Variants in HYAL4 observed in about 807,000 individuals in gnomAD.
HYAL4 encodes hyaluronidase-4.
HYAL4 carries 37 observed loss-of-function variants against 35.2 expected under a neutral mutation model. The observed-to-expected ratio is 1.05, with a 90% CI of 0.81 to 1.38. The LOEUF is 1.38. Among genes scored for constraint, HYAL4 ranks in the 40% most tolerant of loss-of-function variants. HYAL4 has a pLI of 0.00. For missense variants in HYAL4, 572 were observed against 572.4 expected, an observed-to-expected ratio of 1.00 and a Z score of 0.01; for synonymous variants, 198 against 203.2, an observed-to-expected ratio of 0.97 and a Z score of 0.22.
chr7:123,864,807 C>T (rs1283973460), intron 2 of HYAL4, among the ~76,000 whole-genome samples: 2 of 151,502 alleles, frequency 1.3e-5, no homozygotes, highest in Non-Finnish European at 1.5e-5. Context: ...GGATCTCCTC[C>T]CAACAAGCCA....
chr7:123,793,799 A>G, the HYAL4 span, among the ~76,000 whole-genome samples: 6 of 152,240 alleles, frequency 3.9e-5, no homozygotes, highest in Admixed American at 6.5e-5. Context: ...GGACTAATAC[A>G]GTAAATTAGC....
At chr7:123,782,625 C>CT in the HYAL4 span, among the ~76,000 whole-genome samples, 1 of 152,024 alleles carries the variant, frequency 6.6e-6, no homozygotes, top group Non-Finnish European at 1.5e-5. Context: ...CTAGCTCTCC[C>CT]TTTCACTTTC....
intron 3 of HYAL4, among the ~76,000 whole-genome samples, chr7:123,873,402 GAA>G (rs33930393): frequency 0.15 from 21,050 of 141,536 alleles, 1,621 homozygotes; most frequent in Non-Finnish European, 0.18. Context: ...CAATTGCCCA[GAA>G]AAAAAAAAAA....
chr7:123,806,325 T>C, the HYAL4 span, among the ~76,000 whole-genome samples: 1 of 152,230 alleles, frequency 6.6e-6, no homozygotes, highest in Non-Finnish European at 1.5e-5. Context: ...CTTGCCAAAG[T>C]AATGAAGGTT....
chr7:123,815,551 T>G, the HYAL4 span, among the ~76,000 whole-genome samples: 1 of 152,210 alleles, frequency 6.6e-6, no homozygotes, highest in Non-Finnish European at 1.5e-5. Flanking sequence ...GTGGTTATTG[T>G]CAAGGCATTA....
At chr7:123,811,480 C>T in the HYAL4 span, among the ~76,000 whole-genome samples, 1 of 152,116 alleles carries the variant, frequency 6.6e-6, no homozygotes, top group Non-Finnish European at 1.5e-5. Flanking sequence ...TGTATATCTT[C>T]TTTGATGAGA....
rs536187585 is a variant in HYAL4, at chr7:123,870,682, C to G, written c.954+1455C>G. Among the ~76,000 whole-genome samples, 32 of 151,588 alleles carry G rather than the reference C, an allele frequency of 2.1e-4. 1 individual carries two copies. The South Asian group carries it at 2.5e-3, about 12-fold the overall frequency. Reference sequence around the variant, plus strand: ...GAGTCTGAGAAGAGAATTGCTTGAACTCGGGAGGCAGAGGTTGCAGTGAGC... The same window carrying G: ...GAGTCTGAGAAGAGAATTGCTTGAAGTCGGGAGGCAGAGGTTGCAGTGAGC... On this transcript the variant is annotated intron_variant, in intron 3 of 4. Coordinates refer to ENST00000223026, the MANE Select transcript of HYAL4 (RefSeq NM_012269.3).
chr7:123,875,970 A>C (rs1012323608), intron 4 of HYAL4: 1 of 456,048 alleles, frequency 2.2e-6, no homozygotes, highest in Non-Finnish European at 4.4e-6. Context: ...GTTTATGCCT[A>C]TGCCCACATA....
At chr7:123,781,857 A>G in the HYAL4 span, among the ~76,000 whole-genome samples, 3 of 152,168 alleles carry the variant, frequency 2.0e-5, no homozygotes, top group African/African-American at 7.2e-5. Context: ...TCCTGTTTCT[A>G]TGGACAGTGC....
the HYAL4 span, among the ~76,000 whole-genome samples, chr7:123,797,377 A>G: frequency 2.6e-5 from 4 of 152,218 alleles, no homozygotes; most frequent in Non-Finnish European, 5.9e-5. Flanking sequence ...TGCTCTGTTG[A>G]ACTAAGTAAC....
At chr7:123,832,919 G>A (rs982380650) in intron 1 of HYAL4, among the ~76,000 whole-genome samples, 2 of 152,050 alleles carry the variant, frequency 1.3e-5, no homozygotes, top group East Asian at 1.9e-4. Flanking sequence ...AGGTTGTTGC[G>A]AATGCCATTA....
chr7:123,843,173 A>C (rs766493408), upstream of HYAL4, among the ~76,000 whole-genome samples: 28 of 151,834 alleles, frequency 1.8e-4, no homozygotes, highest in Non-Finnish European at 2.8e-4. Context: ...TTCCTTCAGG[A>C]GTTCTTGTAA....
At chr7:123,842,532 G>A (rs1806091210), upstream of HYAL4, among the ~76,000 whole-genome samples, 2 of 152,050 alleles carry the variant, frequency 1.3e-5, no homozygotes, top group Admixed American at 6.6e-5. Flanking sequence ...GCAGAGCTGA[G>A]TTCAGGTCCT....
At chr7:123,793,701 C>G in the HYAL4 span, among the ~76,000 whole-genome samples, 1 of 152,158 alleles carries the variant, frequency 6.6e-6, no homozygotes, top group Non-Finnish European at 1.5e-5. Flanking sequence ...TGAAGCTTCC[C>G]CAGCCATGCT....
intron 2 of HYAL4, among the ~76,000 whole-genome samples, chr7:123,858,316 A>G (rs1177821834): frequency 6.6e-6 from 1 of 152,170 alleles, no homozygotes; most frequent in Non-Finnish European, 1.5e-5. Context: ...GCTTAATTTG[A>G]TGGGCTTGAA....
At chr7:123,811,624 G>A in the HYAL4 span, among the ~76,000 whole-genome samples, 7 of 152,182 alleles carry the variant, frequency 4.6e-5, no homozygotes, top group East Asian at 1.9e-4. Flanking sequence ...CTCTTAGTCT[G>A]TGGCTTGTCT....
chr7:123,783,376 T>A, the HYAL4 span, among the ~76,000 whole-genome samples: 1 of 152,212 alleles, frequency 6.6e-6, no homozygotes, highest in Non-Finnish European at 1.5e-5. Context: ...ATCAACAGTC[T>A]ATGAAGGTTA....
chr7:123,827,418 T>C (rs1319751975), upstream of HYAL4, among the ~76,000 whole-genome samples: 1 of 152,124 alleles, frequency 6.6e-6, no homozygotes, highest in Non-Finnish European at 1.5e-5. Context: ...GACCTTTGTC[T>C]TTCTTGGTTG....
intron 1 of HYAL4, among the ~76,000 whole-genome samples, chr7:123,837,328 T>G (rs1049353659): frequency 1.3e-5 from 2 of 152,160 alleles, no homozygotes; most frequent in Non-Finnish European, 2.9e-5. Context: ...GTCTCACAGC[T>G]CTTAAGATTC....
Sources: allele counts gnomAD v4.1 joint callset (sites outside exome capture counted in the v4.1 genomes callset), GRCh38; gene constraint gnomAD v4.1.1; transcripts MANE v1.5; gene names NCBI Gene and HGNC (gene_info 2026-07-23, HGNC 2026-07-21).